The following CPLANE1 variants were observed in gnomAD, a reference collection of about 807,000 sequenced individuals.
The protein encoded by CPLANE1 is ciliogenesis and planar polarity effector 1.
A neutral mutation model predicts 362.5 loss-of-function variants in CPLANE1; 263 were observed. The ratio of observed to expected loss-of-function variants is 0.73; its 90% CI spans 0.66 to 0.80. The LOEUF is 0.80. CPLANE1 is among the 30% of genes least tolerant of loss of function. CPLANE1 has a pLI of 0.00. For synonymous variants in CPLANE1, 1,212 were observed against 1,302.6 expected (o/e 0.93, Z 1.50); for missense variants, 3,461 against 3,793.4 (o/e 0.91, Z 2.30).
At chr5:37,096,766 A>G in the CPLANE1 span, among the ~76,000 whole-genome samples, 1 of 152,318 alleles carries the variant, frequency 6.6e-6, no homozygotes, top group South Asian at 2.1e-4. Flanking sequence ...CAATTCTCAA[A>G]AGAAGATACA....
At chr5:37,208,700 G>C (rs1021778534) in intron 16 of CPLANE1, among the ~76,000 whole-genome samples, 2 of 129,734 alleles carry the variant, frequency 1.5e-5, no homozygotes, top group Non-Finnish European at 3.2e-5. Flanking sequence ...AAAAAAAAAA[G>C]AGTTCAGCTT....
At position 37,107,212 on chromosome 5, in the gene CPLANE1, T is replaced by G. The variant is rs1019966961; in HGVS notation, c.*390A>C. ...TGATTTTCTTCTCAATGAAAAGATTTTTTTTTTTCCTATTAGATTCATCTG... is the reference window on the plus strand; with the variant it reads ...TGATTTTCTTCTCAATGAAAAGATTGTTTTTTTTCCTATTAGATTCATCTG... On this transcript the variant is annotated 3_prime_UTR_variant, in exon 53 of 53. Coordinates refer to ENST00000651892, the MANE Select transcript of CPLANE1 (RefSeq NM_001384732.1). The G allele has an allele frequency of 2.1e-5, 21 of 991,698 alleles. No homozygotes were observed. The African/African-American group carries it at 3.3e-4, about 16-fold the overall frequency. The allele number at this position is 991,698 out of a possible 1,614,324, so 61.4% of individuals were successfully genotyped here.
In CPLANE1 at chr5:37,209,772, A is replaced by G. The variant is rs1792059920; in HGVS notation, c.2921-3347T>C. ...TTCAGGAGCTGATAAAGAAAACCAA[A>G]AAGGTTTTCTTATGCATTTTTTAAA... On this transcript the variant is annotated intron_variant, in intron 16 of 52. Coordinates refer to ENST00000651892, the MANE Select transcript of CPLANE1 (RefSeq NM_001384732.1). The surrounding 1 kb of genome is among the most constrained non-coding windows in gnomAD (Gnocchi z 4.6). 7.8e-6 allele frequency: 10 copies of G among 1,278,070 alleles called. No homozygotes were observed. Among genetic ancestry groups the G allele is most frequent in the Non-Finnish European group, 1.0e-5 (9 of 876,510 alleles). The allele number at this position is 1,278,070 out of a possible 1,614,324, so 79.2% of individuals were successfully genotyped here.
chr5:37,201,949 A>T (rs1381058472), intron 18 of CPLANE1, 141 bp from the exon 19 acceptor site: 3 of 610,316 alleles, frequency 4.9e-6, no homozygotes, highest in Non-Finnish European at 8.5e-6. Context: ...CCAAACTTAC[A>T]GACAGAAATT....
intron 37 of CPLANE1, 70 bp from the exon 38 acceptor site, chr5:37,162,636 G>T: frequency 1.9e-6 from 2 of 1,062,326 alleles, no homozygotes; most frequent in Non-Finnish European, 1.4e-6. Context: ...CAGCAGCACA[G>T]TACCTAACTC....
intron 44 of CPLANE1, chr5:37,141,543 GT>G: frequency 1.0e-6 from 1 of 978,284 alleles, no homozygotes; most frequent in Non-Finnish European, 1.2e-6. Context: ...TTCTTAATAG[GT>G]TTTCTTTTAT....
chr5:37,141,729 G>C (rs1301824186), intron 44 of CPLANE1: 1 of 983,114 alleles, frequency 1.0e-6, no homozygotes, highest in African/African-American at 1.7e-5. Context: ...TATTTACTAT[G>C]TTCTATTATT....
At chr5:37,142,101 T>C (rs1237880264) in intron 44 of CPLANE1, 2 of 1,050,604 alleles carry the variant, frequency 1.9e-6, no homozygotes, top group Non-Finnish European at 2.4e-6. Flanking sequence ...CACCAAGATA[T>C]GATACATAAT....
intron 23 of CPLANE1, among the ~76,000 whole-genome samples, chr5:37,187,003 G>A (rs28657502): frequency 0.014 from 2,070 of 144,296 alleles, 51 homozygotes; most frequent in African/African-American, 0.051. Flanking sequence ...GGAGCTTGCA[G>A]TGAGCCGAGA....
chr5:37,221,519 T>C, intron 14 of CPLANE1, 31 bp from the exon 15 acceptor site: 17 of 1,431,766 alleles, frequency 1.2e-5, no homozygotes, highest in Non-Finnish European at 1.6e-5. Flanking sequence ...ACCTTAAAAG[T>C]ATGTAAGCAA....
Position 37,201,718 on chromosome 5 carries a change from G to A in CPLANE1, c.3380C>T (p.Ser1127Leu), listed in dbSNP as rs375009168. The change falls in exon 19 of 53, where the codon TCG becomes TTG. Residue 1127 changes from serine (S) to leucine (L), a missense_variant. Ser to Leu is a moderately radical substitution (Grantham distance 145). Around this residue, in one of 2 missense-constraint regions of CPLANE1, gnomAD observed 3,380 missense variants for 3,666.1 expected, o/e 0.92. Transcript: ENST00000651892. Reference sequence around the variant, plus strand: ...GTCTATCAGAAGTTGAAATGTCTCCGAAAGAATATCTGCATCGGCCATAAC... The same window carrying A: ...GTCTATCAGAAGTTGAAATGTCTCCAAAAGAATATCTGCATCGGCCATAAC... ...ASVMADADIL[S>L]ETFQLLIDSA... The A allele has an allele frequency of 2.5e-6, 4 of 1,614,058 alleles. No homozygotes were observed. The highest frequency in any genetic ancestry group is 3.4e-6 in the Non-Finnish European group (4 of 1,179,954).
At chr5:37,237,433 T>C (rs944551542) in intron 8 of CPLANE1, among the ~76,000 whole-genome samples, 3 of 152,112 alleles carry the variant, frequency 2.0e-5, no homozygotes, top group Non-Finnish European at 2.9e-5. Flanking sequence ...ATAATAGGCA[T>C]TGGAGACTAC....
At chr5:37,247,858 T>G in intron 1 of CPLANE1, 113 bp from the exon 2 acceptor site, 5 of 724,868 alleles carry the variant, frequency 6.9e-6, no homozygotes, top group Non-Finnish European at 1.1e-5. Context: ...AGTGCAGTGA[T>G]ATGATCTCAG....
chr5:37,144,696 A>C (rs1390271857), intron 43 of CPLANE1, among the ~76,000 whole-genome samples: 3 of 151,614 alleles, frequency 2.0e-5, no homozygotes, highest in Non-Finnish European at 4.4e-5. Flanking sequence ...CTAAAAATAC[A>C]AAAAATTAGC....
chr5:37,148,339 G>A, intron 42 of CPLANE1, 71 bp from the exon 43 acceptor site: 2 of 1,179,506 alleles, frequency 1.7e-6, no homozygotes, highest in Non-Finnish European at 1.2e-6. Flanking sequence ...ACAGTTTTAT[G>A]TAAGTTTTAA....
At chr5:37,120,097 G>C in intron 50 of CPLANE1, 119 bp downstream of exon 50, 12 of 1,033,324 alleles carry the variant, frequency 1.2e-5, no homozygotes, top group Non-Finnish European at 1.7e-5. Flanking sequence ...CTCGCCTTCT[G>C]TTCAAATCAG....
intron 14 of CPLANE1, among the ~76,000 whole-genome samples, chr5:37,223,212 T>C (rs946126080): frequency 2.0e-5 from 3 of 152,192 alleles, no homozygotes; most frequent in Admixed American, 1.3e-4. Context: ...TGGAACACTA[T>C]ATACTCTGTT....
chr5:37,126,852 A>T (rs1347546562), intron 46 of CPLANE1, among the ~76,000 whole-genome samples: 1 of 152,164 alleles, frequency 6.6e-6, no homozygotes, highest in Middle Eastern at 3.2e-3. Context: ...GTTTTTTTTT[A>T]AAAGATGGGG....
chr5:37,196,037 T>C, intron 20 of CPLANE1, 41 bp from the exon 21 acceptor site: 2 of 1,510,898 alleles, frequency 1.3e-6, no homozygotes, highest in Non-Finnish European at 1.8e-6. Context: ...TTATCAGCTG[T>C]ATAAATCACT....
Sources: allele counts gnomAD v4.1 joint callset (sites outside exome capture counted in the v4.1 genomes callset), GRCh38; gene constraint gnomAD v4.1.1; regional missense constraint gnomAD v4.1.1; non-coding constraint Gnocchi (gnomAD v3.1); transcripts MANE v1.5; gene names NCBI Gene and HGNC (gene_info 2026-07-23, HGNC 2026-07-21).